The following ITCH variants were observed in gnomAD, a reference collection of about 807,000 sequenced individuals.
ITCH encodes itchy E3 ubiquitin protein ligase.
Under a neutral mutation model 126.8 loss-of-function variants are expected in ITCH, and 28 were observed. That is an observed-to-expected ratio of 0.22 (90% CI 0.16 to 0.30). The LOEUF (loss-of-function observed/expected upper bound fraction) is 0.30. Ranked by LOEUF, ITCH falls within the 10% of genes least tolerant of loss-of-function variation. The pLI is 1.00. For missense variants in ITCH, 631 were observed against 1,032.4 expected (o/e 0.61, Z 5.33); for synonymous variants, 342 against 340.0 (o/e 1.01, Z -0.06).
At chr20:34,476,129 G>A (rs560509704) in intron 16 of ITCH, 13 of 863,310 alleles carry the variant, frequency 1.5e-5, no homozygotes, top group Admixed American at 1.4e-4. Flanking sequence ...AAGATGAGAT[G>A]ACAGGTTAAA....
Position 34,504,181 on chromosome 20 carries a change from C to A in ITCH, c.2417-150C>A. 3 of 690,930 alleles carry A rather than the reference C, an allele frequency of 4.3e-6. No homozygotes were observed. The Admixed American group carries it at 6.2e-5, about 14-fold the overall frequency. The allele number at this position is 690,930 out of a possible 1,614,324, so 42.8% of individuals were successfully genotyped here. On this transcript the variant is annotated intron_variant, in intron 23 of 24. Transcript: ENST00000374864. ...CAGACATGAGCCACCACACCTAACCCAGAGTTTCTGAATTAGTAAGATGAT... is the reference window on the plus strand; with the variant it reads ...CAGACATGAGCCACCACACCTAACCAAGAGTTTCTGAATTAGTAAGATGAT...
intron 3 of ITCH, among the ~76,000 whole-genome samples, chr20:34,403,411 A>C (rs1433055357): frequency 1.3e-5 from 2 of 152,176 alleles, no homozygotes; most frequent in African/African-American, 4.8e-5. Context: ...TGTGAGAGAG[A>C]GAGAGCACAT....
At chr20:34,452,497 G>T (rs1350944384) in intron 12 of ITCH, among the ~76,000 whole-genome samples, 3 of 152,122 alleles carry the variant, frequency 2.0e-5, no homozygotes, top group African/African-American at 7.2e-5. Context: ...TGCCTTTGGG[G>T]CATATACCTT....
chr20:34,447,563 G>A (rs1030616163), intron 11 of ITCH, among the ~76,000 whole-genome samples: 1 of 152,092 alleles, frequency 6.6e-6, no homozygotes, highest in Non-Finnish European at 1.5e-5. Context: ...GTTCTTCCTG[G>A]TCCATGGCTT....
At position 34,509,449 on chromosome 20, in the gene ITCH, T is replaced by C. The variant is rs1454185448; in HGVS notation, c.*1655T>C. ...AAGAAAAACAATTTTTTGTCCCTAA[T>C]GTTCTTCCTTTTACATCCTGGAACA... On this transcript the variant is annotated 3_prime_UTR_variant, in exon 25 of 25. Coordinates refer to ENST00000374864, the MANE Select transcript of ITCH (RefSeq NM_031483.7). The C allele has an allele frequency of 2.6e-5, 4 of 152,658 alleles. No individual in the cohort carries two copies. The highest frequency in any genetic ancestry group is 5.9e-5 in the Non-Finnish European group (4 of 68,050). The allele number at this position is 152,658 out of a possible 1,614,324, so 9.5% of individuals were successfully genotyped here. A position where few individuals can be genotyped will look rare whatever the true frequency, so the allele number is the denominator to read the frequency against.
chr20:34,427,301 T>C (rs1981666467), intron 7 of ITCH, among the ~76,000 whole-genome samples: 1 of 152,138 alleles, frequency 6.6e-6, no homozygotes, highest in Non-Finnish European at 1.5e-5. Context: ...TTAAAATCAA[T>C]GGGGCCGGTC....
intron 6 of ITCH, among the ~76,000 whole-genome samples, chr20:34,417,492 C>T (rs991349211): frequency 6.6e-6 from 1 of 151,186 alleles, no homozygotes; most frequent in African/African-American, 2.4e-5. Flanking sequence ...CTCTGCCTCC[C>T]GGGTTCAAGC....
intron 2 of ITCH, among the ~76,000 whole-genome samples, chr20:34,375,804 G>A (rs931441157): frequency 3.5e-5 from 5 of 143,190 alleles, no homozygotes; most frequent in Admixed American, 7.5e-5. Context: ...CTTGAGCCTC[G>A]GAGTTTGAGA....
intron 12 of ITCH, 110 bp from the exon 13 acceptor site, chr20:34,457,280 A>G (rs1159293679): frequency 2.6e-6 from 2 of 758,342 alleles, no homozygotes; most frequent in South Asian, 1.5e-5. Context: ...ACTATAAAAT[A>G]AACAATGAAA....
At chr20:34,428,287 G>C (rs917394451) in intron 7 of ITCH, among the ~76,000 whole-genome samples, 1 of 152,160 alleles carries the variant, frequency 6.6e-6, no homozygotes, top group African/African-American at 2.4e-5. Flanking sequence ...AAACTAAAAG[G>C]CAGGGAAGTA....
At chr20:34,473,687 A>C (rs1366011885) in intron 16 of ITCH, among the ~76,000 whole-genome samples, 1 of 152,276 alleles carries the variant, frequency 6.6e-6, no homozygotes, top group African/African-American at 2.4e-5. Context: ...AACAGAGATC[A>C]AACTTCTTTG....
At chr20:34,454,268 G>T (rs1459223146) in intron 12 of ITCH, 1 of 151,144 alleles carries the variant, frequency 6.6e-6, no homozygotes, top group Non-Finnish European at 1.5e-5. Context: ...CTCCCGAGTA[G>T]CTGGGACTAC....
rs1241231686 is a variant in ITCH, at chr20:34,495,700, A to G, written c.2416+3103A>G. Among the ~76,000 whole-genome samples, 3 of 152,086 alleles carry G rather than the reference A, an allele frequency of 2.0e-5. No homozygotes were observed. In the East Asian group the frequency reaches 5.8e-4, roughly 29 times the overall value. ...CCGTTTACCTGATTATGGACACATA[A>G]GTTGATTCCCTATCTTGGCCCTTGT... On this transcript the variant is annotated intron_variant, in intron 23 of 24. Transcript: ENST00000374864.
intron 19 of ITCH, 44 bp downstream of exon 19, chr20:34,480,776 G>T: frequency 6.9e-7 from 1 of 1,442,218 alleles, no homozygotes; most frequent in Non-Finnish European, 9.7e-7. Flanking sequence ...ATAGTTATAT[G>T]CATTCCGTGT....
intron 20 of ITCH, among the ~76,000 whole-genome samples, chr20:34,483,653 T>C (rs1165632691): frequency 6.6e-6 from 1 of 152,298 alleles, no homozygotes; most frequent in Middle Eastern, 3.4e-3. Flanking sequence ...ATTCAACAAG[T>C]CTATAGGAAG....
chr20:34,424,102 G>A (rs1041487023), intron 6 of ITCH, among the ~76,000 whole-genome samples: 8 of 152,198 alleles, frequency 5.3e-5, no homozygotes, highest in South Asian at 2.1e-4. Context: ...TTCTGGAATC[G>A]ATTTTATTCT....
chr20:34,455,426 A>G (rs1985786040), intron 12 of ITCH, among the ~76,000 whole-genome samples: 1 of 152,140 alleles, frequency 6.6e-6, no homozygotes, highest in Non-Finnish European at 1.5e-5. Context: ...AACTGTTAAA[A>G]TTTCAAGTCT....
chr20:34,385,696 C>A (rs1324173479), intron 2 of ITCH, among the ~76,000 whole-genome samples: 1 of 152,116 alleles, frequency 6.6e-6, no homozygotes, highest in African/African-American at 2.4e-5. Flanking sequence ...TACTGTTGAA[C>A]CTCGAAAGTT....
intron 14 of ITCH, among the ~76,000 whole-genome samples, chr20:34,468,575 G>A (rs1031773898): frequency 6.6e-6 from 1 of 151,866 alleles, no homozygotes; most frequent in Non-Finnish European, 1.5e-5. Flanking sequence ...CAGATCACTT[G>A]AGGCCAGGAG....
Sources: gnomAD v4.1 joint callset for allele counts (sites outside exome capture counted in the v4.1 genomes callset) on GRCh38, gnomAD v4.1.1 for gene constraint, MANE v1.5 for transcripts, NCBI Gene and HGNC (gene_info 2026-07-23, HGNC 2026-07-21) for gene names.